Variants in NUP214 observed in about 807,000 individuals in gnomAD.
NUP214 encodes nuclear pore complex protein Nup214.
NUP214 carries 79 observed loss-of-function variants against 196.2 expected under a neutral mutation model. The observed-to-expected ratio is 0.40, with a 90% confidence interval of 0.34 to 0.49. The LOEUF (loss-of-function observed/expected upper bound fraction) is 0.49, where lower values mean the gene tolerates loss of function less well. Ranked by LOEUF, NUP214 falls within the 20% of genes least tolerant of loss-of-function variation. The pLI, the probability that NUP214 is intolerant of heterozygous loss-of-function variation, is 0.58. For synonymous variants in NUP214, 1,020 were observed against 990.5 expected (o/e 1.03, Z -0.56); for missense variants, 2,468 against 2,539.0 (o/e 0.97, Z 0.60).
chr9:131,133,268 G>A, intron 7 of NUP214, 59 bp downstream of exon 7: 5 of 1,080,558 alleles, frequency 4.6e-6, no homozygotes, highest in Non-Finnish European at 6.5e-6. Flanking sequence ...TAATAAAGCT[G>A]GAGGCTTTGA....
chr9:131,164,120 C>G lies in NUP214; in HGVS notation c.2869C>G (p.Pro957Ala), dbSNP rs572579627. Residue 957 changes from proline to alanine, a missense_variant, in exon 21 of 36, where the codon CCA (proline) becomes GCA (alanine). Pro to Ala is a conservative substitution (Grantham distance 27). This residue lies in a region of NUP214 where 1,801 missense variants were observed against 1,779.4 expected (regional missense o/e 1.01). Transcript: ENST00000359428. ...LRNFLAKRKT[P>A]PVRSTAPASL... is the part of the protein sequence containing the mutation. ...AAACTTCTTGGCCAAGAGGAAGACC[C>G]CACCAGTGAGATCCACTGCTCCAGG... 1 of 1,614,052 alleles carries G rather than the reference C, an allele frequency of 6.2e-7. No individual in the cohort carries two copies. Among genetic ancestry groups the G allele is most frequent in the South Asian group, 1.1e-5 (1 of 91,064 alleles).
At chr9:131,221,282 A>C (rs1252368260) in intron 31 of NUP214, among the ~76,000 whole-genome samples, 1 of 152,172 alleles carries the variant, frequency 6.6e-6, no homozygotes, top group Non-Finnish European at 1.5e-5. Flanking sequence ...TACCTGACAT[A>C]CCTGACATGT....
intron 24 of NUP214, among the ~76,000 whole-genome samples, chr9:131,185,101 G>A (rs768956803): frequency 8.5e-5 from 13 of 152,116 alleles, no homozygotes; most frequent in Non-Finnish European, 1.9e-4. Flanking sequence ...TACAACAATG[G>A]GATGAGTATT....
chr9:131,199,959 A>G (rs986416213), intron 29 of NUP214, among the ~76,000 whole-genome samples: 3 of 152,186 alleles, frequency 2.0e-5, no homozygotes, highest in African/African-American at 7.2e-5. Flanking sequence ...AGACCTACCC[A>G]ATGCCCTGTG....
At chr9:131,132,119 C>CTTTTTTTT (rs71389396) in intron 5 of NUP214, among the ~76,000 whole-genome samples, 1 of 114,662 alleles carries the variant, frequency 8.7e-6, no homozygotes, top group African/African-American at 3.6e-5. Context: ...TCTTTTCTTT[C>CTTTTTTTT]TTTTTTTTTT....
In NUP214 at chr9:131,146,320, G is replaced by C. The variant is rs1472514361; in HGVS notation, c.1945+16G>C. ...TCACCATCAGGTATGATTTTAAGCA[G>C]ACAACTTTAGACCTCAGCCCTGCCT... On this transcript the variant is annotated intron_variant, in intron 13 of 35. Transcript: ENST00000359428. The surrounding 1 kb of genome is among the most constrained non-coding windows in gnomAD (Gnocchi z 4.6). 2 of 1,611,488 alleles carry C rather than the reference G, an allele frequency of 1.2e-6. No individual in the cohort carries two copies. Among genetic ancestry groups the C allele is most frequent in the Non-Finnish European group, 1.7e-6 (2 of 1,177,754 alleles).
At chr9:131,175,835 G>T in intron 23 of NUP214, 1 of 588,708 alleles carries the variant, frequency 1.7e-6, no homozygotes, top group Non-Finnish European at 2.6e-6. Context: ...GATTAGAACT[G>T]CCACATTTAG....
chr9:131,223,705 T>TTTTATTTTTATTTATTTA (rs1232317888), intron 32 of NUP214, among the ~76,000 whole-genome samples: 27 of 113,910 alleles, frequency 2.4e-4, no homozygotes, highest in Non-Finnish European at 3.9e-4. Context: ...ATCACTTTTT[T>TTTTATTTTTATTTATTTA]TTTATTTTTA....
chr9:131,200,932 A>G (rs1833922395), intron 29 of NUP214, among the ~76,000 whole-genome samples: 1 of 151,864 alleles, frequency 6.6e-6, no homozygotes, highest in East Asian at 1.9e-4. Flanking sequence ...TTAAGTCATT[A>G]GAAAGAATTT....
chr9:131,151,243 A>C (rs1274473159), intron 16 of NUP214, among the ~76,000 whole-genome samples: 1 of 152,196 alleles, frequency 6.6e-6, no homozygotes, highest in Non-Finnish European at 1.5e-5. Context: ...CAAACGCATC[A>C]CTTGTATTAT....
intron 11 of NUP214, 54 bp from the exon 12 acceptor site, chr9:131,144,226 T>C: frequency 7.4e-7 from 1 of 1,345,434 alleles, no homozygotes; most frequent in African/African-American, 1.5e-5. Flanking sequence ...TTCTATTATG[T>C]GAACCTCCAC....
At chr9:131,209,135 G>T (rs1008427244) in intron 30 of NUP214, among the ~76,000 whole-genome samples, 3 of 152,190 alleles carry the variant, frequency 2.0e-5, no homozygotes, top group Non-Finnish European at 4.4e-5. Flanking sequence ...CACTTTGGGA[G>T]GCTGGGATGG....
Position 131,164,067 on chromosome 9 carries a change from T to C in NUP214, c.2816T>C (p.Leu939Pro). Residue 939 changes from leucine to proline, a missense_variant, in exon 21 of 36, where the codon CTG (leucine) becomes CCG (proline). By Grantham distance (98) the Leu-to-Pro change is moderately conservative. Around this residue, in one of 5 missense-constraint regions of NUP214, gnomAD observed 1,801 missense variants for 1,779.4 expected, o/e 1.01. Coordinates refer to ENST00000359428, the MANE Select transcript of NUP214 (RefSeq NM_005085.4). ...TKSLPKVPAK[L>P]SPMKQAQLRN... ...GTTTATGGATTTCTTGCAGCCAAAC[T>C]GTCCCCCATGAAACAGGCACAACTG... 1 of 1,614,192 alleles carries C rather than the reference T, an allele frequency of 6.2e-7. No homozygotes were observed. Among genetic ancestry groups the C allele is most frequent in the Non-Finnish European group, 8.5e-7 (1 of 1,180,032 alleles).
chr9:131,157,979 C>T (rs145080813), intron 17 of NUP214, among the ~76,000 whole-genome samples: 127 of 152,276 alleles, frequency 8.3e-4, no homozygotes, highest in Non-Finnish European at 1.3e-3. Context: ...GATGGGGTTT[C>T]ACCATGTTGG....
At chr9:131,166,697 C>T (rs1832794923) in intron 21 of NUP214, among the ~76,000 whole-genome samples, 1 of 152,098 alleles carries the variant, frequency 6.6e-6, no homozygotes, top group South Asian at 2.1e-4. Context: ...CTTGCATACC[C>T]CAGTTTTCCT....
chr9:131,139,427 T>G lies in NUP214; in HGVS notation c.1132+20T>G. On this transcript the variant is annotated intron_variant, in intron 10 of 35. Transcript: ENST00000359428. The stretch of plus-strand genomic sequence containing the variant: ...CCATCAGTAAGTGTAGCCTGGTAGT[T>G]AGTGCAGAAATAGTCTTCTTTCTAG... 1 of 1,601,130 alleles carries G rather than the reference T, an allele frequency of 6.2e-7. No homozygotes were observed. The highest frequency in any genetic ancestry group is 1.4e-5 in the African/African-American group (1 of 74,068).
chr9:131,174,439 T>A (rs1456064102), intron 22 of NUP214, 121 bp downstream of exon 22: 7 of 544,720 alleles, frequency 1.3e-5, no homozygotes, highest in Non-Finnish European at 1.8e-5. Flanking sequence ...CCACTTTTTT[T>A]TTTTTTTCTT....
intron 17 of NUP214, among the ~76,000 whole-genome samples, chr9:131,156,277 C>T (rs1423072102): frequency 9.2e-5 from 14 of 151,806 alleles, no homozygotes; most frequent in East Asian, 1.9e-4. Flanking sequence ...GAACTACAGG[C>T]GCCTGCCACC....
At chr9:131,210,845 A>G (rs1405115632) in intron 30 of NUP214, among the ~76,000 whole-genome samples, 3 of 152,228 alleles carry the variant, frequency 2.0e-5, no homozygotes, top group Non-Finnish European at 4.4e-5. Context: ...CAGGCAGTCC[A>G]ATATATGTGT....
Sources: allele counts gnomAD v4.1 joint callset (sites outside exome capture counted in the v4.1 genomes callset), GRCh38; gene constraint gnomAD v4.1.1; regional missense constraint gnomAD v4.1.1; non-coding constraint Gnocchi (gnomAD v3.1); transcripts MANE v1.5; gene names NCBI Gene and HGNC (gene_info 2026-07-23, HGNC 2026-07-21).